The following THSD7A variants were observed in gnomAD, a reference collection of about 807,000 sequenced individuals.
THSD7A encodes thrombospondin type-1 domain-containing protein 7A.
Under a neutral mutation model 231.3 loss-of-function variants are expected in THSD7A, and 96 were observed. The ratio of observed to expected loss-of-function variants is 0.41; its 90% CI spans 0.35 to 0.49. The LOEUF (loss-of-function observed/expected upper bound fraction) is 0.49. THSD7A is among the 20% of genes least tolerant of loss of function. THSD7A has a pLI of 0.05. For synonymous variants in THSD7A, 940 were observed against 743.3 expected (o/e 1.26, Z -4.30); for missense variants, 2,290 against 2,070.2 (o/e 1.11, Z -2.06).
chr7:11,555,492 C>G (rs927985507), intron 4 of THSD7A, among the ~76,000 whole-genome samples: 11 of 151,760 alleles, frequency 7.2e-5, no homozygotes, highest in African/African-American at 2.7e-4. Context: ...ATGACATGGT[C>G]TATTTTGGTA....
chr7:11,494,366 C>G (rs1349972527), intron 6 of THSD7A, among the ~76,000 whole-genome samples: 1 of 151,842 alleles, frequency 6.6e-6, no homozygotes, highest in Non-Finnish European at 1.5e-5. Context: ...ATTATAATTT[C>G]AAAACAAAAC....
intron 1 of THSD7A, among the ~76,000 whole-genome samples, chr7:11,713,277 TAA>T (rs1389884008): frequency 6.6e-6 from 1 of 151,216 alleles, no homozygotes; most frequent in Non-Finnish European, 1.5e-5. Flanking sequence ...ATAAATAGGT[TAA>T]AAAGACAAAT....
chr7:11,779,710 T>G (rs933279937), intron 1 of THSD7A, among the ~76,000 whole-genome samples: 14 of 152,230 alleles, frequency 9.2e-5, no homozygotes, highest in Non-Finnish European at 1.3e-4. Context: ...AATGCATCAT[T>G]GTATTAATTT....
chr7:11,422,336 T>C (rs1784172525), intron 16 of THSD7A, among the ~76,000 whole-genome samples: 1 of 152,160 alleles, frequency 6.6e-6, no homozygotes, highest in Non-Finnish European at 1.5e-5. Flanking sequence ...TCCTCTTTTA[T>C]AGACCCATCT....
Position 11,388,628 on chromosome 7 carries a change from T to A in THSD7A, c.4412-6012A>T, listed in dbSNP as rs539630697. The stretch of plus-strand genomic sequence containing the variant: ...AGCAGTGTATCTATTTTGTTGATCT[T>A]TTCAAAAAACCAGGTAATGGATTCA... On this transcript the variant is annotated intron_variant, in intron 23 of 27. Transcript: ENST00000423059. Among the ~76,000 whole-genome samples, 13 of 152,360 alleles carry A rather than the reference T, an allele frequency of 8.5e-5. No homozygotes were observed. The East Asian group carries it at 2.3e-3, about 27-fold the overall frequency.
chr7:11,534,446 G>C (rs773574347), intron 6 of THSD7A, among the ~76,000 whole-genome samples: 5 of 152,182 alleles, frequency 3.3e-5, no homozygotes, highest in Admixed American at 2.0e-4. Context: ...TGGAGGATGA[G>C]AGTCCATGTA....
At chr7:11,586,285 G>A (rs1584030837) in intron 4 of THSD7A, among the ~76,000 whole-genome samples, 1 of 152,060 alleles carries the variant, frequency 6.6e-6, no homozygotes, top group Non-Finnish European at 1.5e-5. Flanking sequence ...TCTACATAAT[G>A]GTGTTATAGA....
chr7:11,469,895 G>A lies in THSD7A; in HGVS notation c.2352C>T (p.Pro784=), dbSNP rs374146133. Residue 784 remains proline (P), a synonymous_variant, in exon 9 of 28, where the codon CCC becomes CCT. Transcript: ENST00000423059. ...VTPYSDWTSC[P]SSCKEGDSSI... ...AGACCATACCTTCTTTACACGAAGA[G>A]GGGCATGATGTCCAGTCACTATATG... The A allele has an allele frequency of 3.8e-6, 6 of 1,596,196 alleles. No homozygotes were observed. Among genetic ancestry groups the A allele is most frequent in the Non-Finnish European group, 5.1e-6 (6 of 1,169,720 alleles).
At chr7:11,527,208 C>T (rs1284741969) in intron 6 of THSD7A, among the ~76,000 whole-genome samples, 1 of 152,042 alleles carries the variant, frequency 6.6e-6, no homozygotes, top group Non-Finnish European at 1.5e-5. Context: ...GTATATAGTT[C>T]TGAATCAAAG....
At chr7:11,796,033 C>CATATATATAT (rs6149988) in intron 1 of THSD7A, among the ~76,000 whole-genome samples, 43 of 107,478 alleles carry the variant, frequency 4.0e-4, no homozygotes, top group Non-Finnish European at 6.2e-4. Context: ...TTAAATTAGC[C>CATATATATAT]ATATATATAT....
chr7:11,780,134 G>T (rs926408942), intron 1 of THSD7A, among the ~76,000 whole-genome samples: 1 of 152,166 alleles, frequency 6.6e-6, no homozygotes. Flanking sequence ...ATCCTCACAT[G>T]GCAGAGAACA....
intron 2 of THSD7A, among the ~76,000 whole-genome samples, chr7:11,607,399 T>A (rs916796827): frequency 1.3e-4 from 20 of 152,134 alleles, no homozygotes; most frequent in Non-Finnish European, 2.6e-4. Context: ...GATCATTCTG[T>A]CCCACAGTTT....
chr7:11,578,041 G>A (rs547779235), intron 4 of THSD7A, among the ~76,000 whole-genome samples: 26 of 152,220 alleles, frequency 1.7e-4, no homozygotes, highest in African/African-American at 6.0e-4. Flanking sequence ...TGTATATAAT[G>A]TTAGCCCATG....
At chr7:11,691,535 A>G (rs1435896596) in intron 1 of THSD7A, among the ~76,000 whole-genome samples, 1 of 151,456 alleles carries the variant, frequency 6.6e-6, no homozygotes, top group Middle Eastern at 3.2e-3. Flanking sequence ...TTTATATTCT[A>G]TAATTCCTTT....
At chr7:11,644,297 T>C (rs1348463891) in intron 1 of THSD7A, among the ~76,000 whole-genome samples, 1 of 152,004 alleles carries the variant, frequency 6.6e-6, no homozygotes, top group African/African-American at 2.4e-5. Flanking sequence ...ATGCCTAGAA[T>C]ACTGTCCCAT....
intron 4 of THSD7A, among the ~76,000 whole-genome samples, chr7:11,564,997 G>C (rs1385803473): frequency 6.6e-6 from 1 of 151,974 alleles, no homozygotes; most frequent in Non-Finnish European, 1.5e-5. Flanking sequence ...TTCTACTATG[G>C]GGATGTACCA....
intron 2 of THSD7A, among the ~76,000 whole-genome samples, chr7:11,614,707 AT>A (rs1005412007): frequency 2.2e-3 from 340 of 151,718 alleles, no homozygotes; most frequent in African/African-American, 7.4e-3. Context: ...TTGTTCTAGT[AT>A]TTTTTTTTAT....
At chr7:11,638,340 T>C (rs953902610) in intron 1 of THSD7A, among the ~76,000 whole-genome samples, 2 of 152,202 alleles carry the variant, frequency 1.3e-5, no homozygotes, top group Admixed American at 6.5e-5. Context: ...GTTCCAACTT[T>C]TAGTTGTATG....
intron 23 of THSD7A, among the ~76,000 whole-genome samples, chr7:11,401,537 C>A (rs944556008): frequency 6.6e-6 from 1 of 152,122 alleles, no homozygotes; most frequent in Non-Finnish European, 1.5e-5. Context: ...CCTGCCTCAG[C>A]CTCCTGAGTA....
Sources: gnomAD v4.1 joint callset for allele counts (sites outside exome capture counted in the v4.1 genomes callset) on GRCh38, gnomAD v4.1.1 for gene constraint, MANE v1.5 for transcripts, NCBI Gene and HGNC (gene_info 2026-07-23, HGNC 2026-07-21) for gene names.